IL17RB: variants seen among roughly 807,000 people sequenced by gnomAD.
IL17RB encodes interleukin 17 receptor B.
In IL17RB, 36 loss-of-function variants were observed where a neutral mutation model predicts 43.9. The observed-to-expected ratio is 0.82, with a 90% CI of 0.63 to 1.08. IL17RB has a LOEUF of 1.08. Ranked by LOEUF, IL17RB falls within the 50% of genes least tolerant of loss-of-function variation. The probability of loss-of-function intolerance (pLI) is 0.00; values close to 1 mark genes in which losing one functional copy is unlikely to be tolerated. For missense variants in IL17RB, 613 were observed against 613.6 expected (o/e 1.00, Z 0.01); for synonymous variants, 225 against 225.4 (o/e 1.00, Z 0.02).
rs1292778384 is a variant in IL17RB, at chr3:53,850,824, AT to A, written c.226+1030del. 1.5e-4 allele frequency among the ~76,000 whole-genome samples: 22 copies of A among 150,278 alleles called. 1 individual carries two copies. Among genetic ancestry groups the A allele is most frequent in the African/African-American group, 5.3e-4 (21 of 39,728 alleles). ...TCAAAATAAAATAAAATAAAATAAA[AT>A]AAAAGTCAGGGTAGTGGTTCCTGCT... On this transcript the variant is annotated intron_variant, in intron 3 of 10. Transcript: ENST00000288167.
At chr3:53,863,738 C>CA (rs914790751) in intron 10 of IL17RB, among the ~76,000 whole-genome samples, 2 of 152,008 alleles carry the variant, frequency 1.3e-5, no homozygotes, top group Non-Finnish European at 2.9e-5. Context: ...TGACCCGACT[C>CA]AAAATGTGAA....
intron 8 of IL17RB, 53 bp from the exon 9 acceptor site, chr3:53,858,666 G>C: frequency 6.2e-7 from 1 of 1,600,324 alleles, no homozygotes; most frequent in South Asian, 1.1e-5. Flanking sequence ...GTCTTGGTGA[G>C]ATTTTGCTCT....
chr3:53,848,870 G>A (rs1446425259), intron 2 of IL17RB, among the ~76,000 whole-genome samples, 182 bp downstream of exon 2: 2 of 152,220 alleles, frequency 1.3e-5, no homozygotes, highest in African/African-American at 4.8e-5. Flanking sequence ...CTGTGGGAAT[G>A]AGGCCGTGTT....
chr3:53,852,327 A>AGG (rs58205042), intron 4 of IL17RB, among the ~76,000 whole-genome samples: 1 of 151,984 alleles, frequency 6.6e-6, no homozygotes, highest in African/African-American at 2.4e-5. Flanking sequence ...GTTTTTGTAG[A>AGG]GGGGGGTTTC....
intron 6 of IL17RB, among the ~76,000 whole-genome samples, chr3:53,856,364 T>C (rs899379810): frequency 6.6e-6 from 1 of 152,378 alleles, no homozygotes; most frequent in East Asian, 1.9e-4. Context: ...CATTTCCTTC[T>C]TTCTTTGCAT....
At chr3:53,852,630 A>G (rs552010398) in intron 4 of IL17RB, among the ~76,000 whole-genome samples, 2 of 152,258 alleles carry the variant, frequency 1.3e-5, no homozygotes, top group East Asian at 1.9e-4. Context: ...TCTGGGCCTC[A>G]GTTTTTCCCT....
chr3:53,855,971 T>C (rs1293960096), intron 6 of IL17RB, among the ~76,000 whole-genome samples: 1 of 152,234 alleles, frequency 6.6e-6, no homozygotes. Flanking sequence ...GGAATGCTAA[T>C]GAGGCTAGTG....
intron 10 of IL17RB, among the ~76,000 whole-genome samples, 164 bp from the exon 11 acceptor site, chr3:53,864,582 G>T (rs1026305746): frequency 6.6e-6 from 1 of 152,120 alleles, no homozygotes; most frequent in Non-Finnish European, 1.5e-5. Context: ...TTCAGGTGAT[G>T]TGTTCAAAAG....
Position 53,855,305 on chromosome 3 carries a change from C to T in IL17RB, c.493C>T (p.His165Tyr). Residue 165 changes from histidine (H) to tyrosine (Y), a missense_variant, in exon 6 of 11, where the codon CAC (histidine) becomes TAC (tyrosine). His to Tyr is a moderately conservative substitution (Grantham distance 83). Coordinates refer to ENST00000288167, the MANE Select transcript of IL17RB (RefSeq NM_018725.4). ...ATTCAAATTTCCAGGCTGCCTAGACCACATAATGAAATATAAAAAAAAGTG... is the reference window on the plus strand; with the variant it reads ...ATTCAAATTTCCAGGCTGCCTAGACTACATAATGAAATATAAAAAAAAGTG... ...VNFTSPGCLD[H>Y]IMKYKKKCVK... The T allele has an allele frequency of 6.2e-7, 1 of 1,606,680 alleles. No individual in the cohort carries two copies. The highest frequency in any genetic ancestry group is 1.7e-4 in the Middle Eastern group (1 of 6,052).
At position 53,856,932 on chromosome 3, in the gene IL17RB, A is replaced by G; in HGVS notation, c.618A>G (p.Arg206=). Residue 206 remains arginine (R), a synonymous_variant, in exon 7 of 11, where the codon AGA becomes AGG. Coordinates refer to ENST00000288167, the MANE Select transcript of IL17RB (RefSeq NM_018725.4). ...VNFTTTPLGN[R]YMALIQHSTI... ...TCACAACCACTCCCCTGGGAAACAG[A>G]TACATGGCTCTTATCCAACACAGCA... 7 of 1,614,140 alleles carry G rather than the reference A, an allele frequency of 4.3e-6. No individual in the cohort carries two copies. Among genetic ancestry groups the G allele is most frequent in the Non-Finnish European group, 5.9e-6 (7 of 1,180,012 alleles).
At position 53,846,598 on chromosome 3, in the gene IL17RB, G is replaced by T; in HGVS notation, c.10G>T (p.Val4Leu). ...GCGCAGTGGCCCGGCGATGTCGCTC[G>T]TGCTGCTAAGCCTGGCCGCGCTGTG... Reference protein sequence around the residue: MSLVLLSLAALCRS... With the variant: MSLLLLSLAALCRS... The change falls in exon 1 of 11, where the codon GTG (valine) becomes TTG (leucine). Residue 4 changes from valine (V) to leucine (L), a missense_variant. By Grantham distance (32) the Val-to-Leu change is conservative. Coordinates refer to ENST00000288167, the MANE Select transcript of IL17RB (RefSeq NM_018725.4). 3 of 1,586,344 alleles carry T rather than the reference G, an allele frequency of 1.9e-6. No homozygotes were observed. The highest frequency in any genetic ancestry group is 2.6e-6 in the Non-Finnish European group (3 of 1,170,726).
rs925501215 is a variant in IL17RB at position 53,859,942 on chromosome 3, G to A, written c.848-188G>A. 14 of 474,724 alleles carry A rather than the reference G, an allele frequency of 2.9e-5. No homozygotes were observed. In the South Asian group the frequency reaches 3.1e-4, roughly 10 times the overall value. The allele number at this position is 474,724 out of a possible 1,614,324, so 29.4% of individuals were successfully genotyped here. ...GCAGCATTGCTTGAACCCGGGAGAC[G>A]GAGGCTGCAGTGAACCGAGATTGCG... On this transcript the variant is annotated intron_variant, in intron 9 of 10. Coordinates refer to ENST00000288167, the MANE Select transcript of IL17RB (RefSeq NM_018725.4).
intron 9 of IL17RB, chr3:53,859,374 G>A (rs1219927708): frequency 6.6e-6 from 1 of 152,378 alleles, no homozygotes; most frequent in African/African-American, 2.4e-5. Flanking sequence ...AACAGTCCAG[G>A]GGTGGGGTCA....
chr3:53,861,881 G>A (rs1374356782), intron 10 of IL17RB, among the ~76,000 whole-genome samples: 1 of 152,208 alleles, frequency 6.6e-6, no homozygotes, highest in African/African-American at 2.4e-5. Flanking sequence ...TAGTAAGGAA[G>A]AGAAGCATGC....
chr3:53,858,674 T>C (rs1435959534), intron 8 of IL17RB, 45 bp from the exon 9 acceptor site: 1 of 1,605,770 alleles, frequency 6.2e-7, no homozygotes, highest in East Asian at 2.2e-5. Flanking sequence ...GAGATTTTGC[T>C]CTGATGCATG....
At position 53,849,733 on chromosome 3, in the gene IL17RB, C is replaced by G. The variant is rs758615755; in HGVS notation, c.164C>G (p.Thr55Ser). ...LRDLRVEPVT[T>S]SVATGDYSIL... ...GACCTCCGAGTAGAACCTGTTACAA[C>G]TAGTGTTGCAACAGGGGACTATTCA... The change falls in exon 3 of 11, where the codon ACT (threonine) becomes AGT (serine). Residue 55 changes from threonine to serine, a missense_variant. Thr to Ser is a moderately conservative substitution (Grantham distance 58). Coordinates refer to ENST00000288167, the MANE Select transcript of IL17RB (RefSeq NM_018725.4). 62 of 1,612,956 alleles carry G rather than the reference C, an allele frequency of 3.8e-5. No homozygotes were observed. The highest frequency in any genetic ancestry group is 1.7e-5 in the Admixed American group (1 of 59,900).
rs2107036531 is a variant in IL17RB at position 53,865,017 on chromosome 3, T to C, written c.1218T>C (p.Gly406=). ...ATGACGTCAACAGTGTGTGCGATGG[T>C]ACCTGTGGCAAGAGCGAGGGCAGTC... is the stretch of plus-strand genomic sequence containing the variant. The part of the protein sequence containing the change: ...LSNDVNSVCD[G]TCGKSEGSPS... The change falls in exon 11 of 11, where the codon GGT becomes GGC. Residue 406 remains glycine, a synonymous_variant. Transcript: ENST00000288167. 6.2e-7 allele frequency: 1 copy of C among 1,614,180 alleles called. No individual in the cohort carries two copies. Among genetic ancestry groups the C allele is most frequent in the Non-Finnish European group, 8.5e-7 (1 of 1,180,036 alleles).
In IL17RB at chr3:53,865,285, C is replaced by T. The variant is rs1699746632; in HGVS notation, c.1486C>T (p.His496Tyr). The change falls in exon 11 of 11, where the codon CAC (histidine) becomes TAC (tyrosine). Residue 496 changes from histidine (H) to tyrosine (Y), a missense_variant. By Grantham distance (83) the His-to-Tyr change is moderately conservative. Transcript: ENST00000288167. ...AGCAGGAAAAAGATCACAAGCCTGC[C>T]ACGATGGCTGCTGCTCCTTGTAGCC... ...VSAGKRSQAC[H>Y]DGCCSL The T allele has an allele frequency of 6.2e-7, 1 of 1,607,144 alleles. No homozygotes were observed. Among genetic ancestry groups the T allele is most frequent in the Non-Finnish European group, 8.5e-7 (1 of 1,179,746 alleles).
chr3:53,859,407 C>G (rs941475633), intron 9 of IL17RB: 1 of 152,386 alleles, frequency 6.6e-6, no homozygotes, highest in Non-Finnish European at 1.5e-5. Context: ...TGTCATTAGA[C>G]GCAGCCAAAT....
Sources: allele counts gnomAD v4.1 joint callset (sites outside exome capture counted in the v4.1 genomes callset), GRCh38; gene constraint gnomAD v4.1.1; transcripts MANE v1.5; gene names NCBI Gene and HGNC (gene_info 2026-07-23, HGNC 2026-07-21).